CNTN1: variants seen among roughly 807,000 people sequenced by gnomAD.
The protein encoded by CNTN1 is contactin 1.
A neutral mutation model predicts 126.4 loss-of-function variants in CNTN1; 38 were observed. The ratio of observed to expected loss-of-function variants is 0.30; its 90% CI spans 0.23 to 0.39. CNTN1 has a LOEUF of 0.39. CNTN1 is among the 10% of genes least tolerant of loss of function. The pLI is 1.00. For missense variants in CNTN1, 1,009 were observed against 1,248.4 expected, an observed-to-expected ratio of 0.81 and a Z score of 2.89; for synonymous variants, 413 against 422.6, an observed-to-expected ratio of 0.98 and a Z score of 0.28.
At chr12:40,922,203 G>A (rs1945465761) in intron 4 of CNTN1, 53 bp from the exon 5 acceptor site, 1 of 1,500,296 alleles carries the variant, frequency 6.7e-7, no homozygotes, top group Admixed American at 1.7e-5. Flanking sequence ...TAGCTCCGTA[G>A]AGTTTCTAGG....
chr12:40,884,965 AT>A (rs1943980322), intron 1 of CNTN1, among the ~76,000 whole-genome samples: 1 of 151,576 alleles, frequency 6.6e-6, no homozygotes, highest in Non-Finnish European at 1.5e-5. Context: ...TTTGATTTTT[AT>A]ATTTTGACTT....
chr12:40,958,305 G>T (rs953482183), intron 14 of CNTN1, among the ~76,000 whole-genome samples: 3 of 151,574 alleles, frequency 2.0e-5, no homozygotes, highest in Non-Finnish European at 2.9e-5. Flanking sequence ...GTATGTGTGT[G>T]TGTGCCTGTA....
chr12:40,837,525 T>G (rs1317080347), intron 1 of CNTN1, among the ~76,000 whole-genome samples: 2 of 152,188 alleles, frequency 1.3e-5, no homozygotes, highest in Non-Finnish European at 2.9e-5. Context: ...AAGAAGGAAC[T>G]GCTCCAGGGA....
chr12:40,997,806 T>G (rs761546703), intron 17 of CNTN1, among the ~76,000 whole-genome samples: 38 of 152,324 alleles, frequency 2.5e-4, no homozygotes, highest in African/African-American at 8.9e-4. Context: ...TCTAGATGTG[T>G]GTATTATTAA....
intron 7 of CNTN1, among the ~76,000 whole-genome samples, chr12:40,932,637 G>A (rs567165244): frequency 6.6e-5 from 10 of 151,922 alleles, no homozygotes; most frequent in East Asian, 3.9e-4. Flanking sequence ...GAGCTTTGTC[G>A]TAATATGGTG....
At chr12:40,768,630 C>G (rs150783813) in intron 1 of CNTN1, among the ~76,000 whole-genome samples, 1 of 152,266 alleles carries the variant, frequency 6.6e-6, no homozygotes, top group African/African-American at 2.4e-5. Context: ...CACAGAAAAG[C>G]CTTTAATTCC....
At chr12:40,900,686 A>C (rs1474980286) in intron 1 of CNTN1, among the ~76,000 whole-genome samples, 1 of 152,226 alleles carries the variant, frequency 6.6e-6, no homozygotes, top group Admixed American at 6.5e-5. Context: ...CAAAAGAGGC[A>C]CTGTTTTAGC....
intron 1 of CNTN1, among the ~76,000 whole-genome samples, chr12:40,735,665 T>A (rs1937643294): frequency 6.6e-6 from 1 of 152,108 alleles, no homozygotes; most frequent in South Asian, 2.1e-4. Context: ...GGGATATCTA[T>A]AATCTTGAAT....
intron 1 of CNTN1, among the ~76,000 whole-genome samples, chr12:40,723,472 C>T (rs1272185825): frequency 2.0e-5 from 3 of 152,134 alleles, no homozygotes; most frequent in African/African-American, 7.2e-5. Context: ...GAAACTGGAA[C>T]TAAGTGGAAT....
At chr12:40,988,827 T>A (rs914165611) in intron 16 of CNTN1, among the ~76,000 whole-genome samples, 4 of 152,154 alleles carry the variant, frequency 2.6e-5, no homozygotes, top group Non-Finnish European at 4.4e-5. Flanking sequence ...AAAGTTTAGT[T>A]TTTTTTAAAA....
chr12:40,736,755 AGTAAT>A (rs1251025382), intron 1 of CNTN1, among the ~76,000 whole-genome samples: 1 of 152,100 alleles, frequency 6.6e-6, no homozygotes, highest in African/African-American at 2.4e-5. Context: ...TAAAGCAGAA[AGTAAT>A]GTCTTAGAGA....
chr12:40,971,297 T>C, intron 15 of CNTN1: 2 of 700,978 alleles, frequency 2.9e-6, no homozygotes, highest in Non-Finnish European at 4.7e-6. Context: ...CCTCAGTGTG[T>C]AGGGGAAGAT....
chr12:40,840,408 C>A (rs574516498), intron 1 of CNTN1, among the ~76,000 whole-genome samples: 1 of 151,976 alleles, frequency 6.6e-6, no homozygotes, highest in Admixed American at 6.6e-5. Flanking sequence ...GACTTTAACA[C>A]CCCACTCTCA....
chr12:41,020,490 G>C, intron 20 of CNTN1, 50 bp downstream of exon 20: 1 of 1,181,508 alleles, frequency 8.5e-7, no homozygotes, highest in Non-Finnish European at 1.2e-6. Flanking sequence ...AAATATATAA[G>C]CATACGTTTT....
At chr12:40,999,175 A>T (rs1948294053) in intron 17 of CNTN1, among the ~76,000 whole-genome samples, 1 of 152,192 alleles carries the variant, frequency 6.6e-6, no homozygotes, top group South Asian at 2.1e-4. Context: ...TAGATCTATG[A>T]CTGAAATACA....
chr12:41,053,402 A>G (rs1445318466), intron 23 of CNTN1, among the ~76,000 whole-genome samples: 3 of 124,088 alleles, frequency 2.4e-5, no homozygotes, highest in Non-Finnish European at 4.9e-5. Flanking sequence ...ATTTATTTAG[A>G]TTTTGTCTCT....
At chr12:40,905,892 A>G (rs12424493) in intron 1 of CNTN1, among the ~76,000 whole-genome samples, 63,193 of 152,050 alleles carry the variant, frequency 0.42, 13,464 homozygotes, top group African/African-American at 0.51. Context: ...TTTTCACTTA[A>G]GTCTATATGT....
At position 41,016,676 on chromosome 12, in the gene CNTN1, A is replaced by G. The variant is rs779388818; in HGVS notation, c.2185-6A>G. The G allele has an allele frequency of 1.3e-6, 2 of 1,584,492 alleles. No homozygotes were observed. The highest frequency in any genetic ancestry group is 1.7e-6 in the Non-Finnish European group (2 of 1,153,138). On this transcript the variant is annotated splice_region_variant and splice_polypyrimidine_tract_variant and intron_variant, in intron 18 of 23. Coordinates refer to ENST00000551295, the MANE Select transcript of CNTN1 (RefSeq NM_001843.4). Reference sequence around the variant, plus strand: ...AAACCTACTCAATCTTTTAATTTCTATTTAGCCTTTGTCAAGAGAATACCA... The same window carrying G: ...AAACCTACTCAATCTTTTAATTTCTGTTTAGCCTTTGTCAAGAGAATACCA...
intron 16 of CNTN1, among the ~76,000 whole-genome samples, chr12:40,986,241 G>A (rs1435536173): frequency 4.6e-5 from 7 of 152,116 alleles, no homozygotes; most frequent in African/African-American, 1.4e-4. Context: ...TTTCTTGACA[G>A]TGGGTCATAT....
Sources: gnomAD v4.1 joint callset for allele counts (sites outside exome capture counted in the v4.1 genomes callset) on GRCh38, gnomAD v4.1.1 for gene constraint, MANE v1.5 for transcripts, NCBI Gene and HGNC (gene_info 2026-07-23, HGNC 2026-07-21) for gene names.